XYLT1: variants seen among roughly 807,000 people sequenced by gnomAD.
The protein encoded by XYLT1 is xylosyltransferase 1.
In XYLT1, 36 loss-of-function variants were observed where a neutral mutation model predicts 91.3. The observed-to-expected ratio is 0.39, with a 90% CI of 0.30 to 0.52. The LOEUF (loss-of-function observed/expected upper bound fraction) is 0.52. XYLT1 is among the 20% of genes least tolerant of loss of function. The pLI is 0.68. For missense variants in XYLT1, 1,242 were observed against 1,284.5 expected (o/e 0.97, Z 0.51); for synonymous variants, 588 against 532.0 (o/e 1.11, Z -1.45).
intron 2 of XYLT1, among the ~76,000 whole-genome samples, chr16:17,293,442 T>C (rs1360189242): frequency 6.6e-6 from 1 of 150,512 alleles, no homozygotes; most frequent in African/African-American, 2.4e-5. Flanking sequence ...ATGTATTTAC[T>C]CCCAAACCAG....
intron 5 of XYLT1, among the ~76,000 whole-genome samples, chr16:17,196,970 C>T (rs2032437855): frequency 6.8e-6 from 1 of 147,902 alleles, no homozygotes; most frequent in Non-Finnish European, 1.5e-5. Flanking sequence ...AAGATCACAC[C>T]ACTGCACTCC....
At chr16:17,204,669 T>C (rs772913204) in intron 3 of XYLT1, among the ~76,000 whole-genome samples, 2 of 152,176 alleles carry the variant, frequency 1.3e-5, no homozygotes, top group African/African-American at 2.4e-5. Context: ...AAAACTGCTA[T>C]GAAAACAGAG....
At chr16:17,278,581 G>A (rs928270283) in intron 2 of XYLT1, among the ~76,000 whole-genome samples, 5 of 152,130 alleles carry the variant, frequency 3.3e-5, no homozygotes, top group African/African-American at 9.7e-5. Flanking sequence ...GGGAAAAGTG[G>A]AGCTTCATGG....
chr16:17,332,494 G>A (rs1325728211), intron 2 of XYLT1, among the ~76,000 whole-genome samples: 1 of 151,830 alleles, frequency 6.6e-6, no homozygotes, highest in Non-Finnish European at 1.5e-5. Context: ...CCCGGGAAGC[G>A]GAGGTTGCAG....
At chr16:17,370,381 C>T (rs997408957) in intron 1 of XYLT1, among the ~76,000 whole-genome samples, 25 of 152,326 alleles carry the variant, frequency 1.6e-4, no homozygotes, top group African/African-American at 6.0e-4. Flanking sequence ...GTTGGGGGAC[C>T]CTCGCTCACA....
chr16:17,259,833 C>T (rs966887994), intron 2 of XYLT1, among the ~76,000 whole-genome samples: 2 of 152,008 alleles, frequency 1.3e-5, no homozygotes, highest in Non-Finnish European at 2.9e-5. Flanking sequence ...TTTGTTCCAG[C>T]GTCCCGTTTA....
intron 2 of XYLT1, chr16:17,355,462 C>T (rs752312742): frequency 4.6e-5 from 7 of 152,066 alleles, no homozygotes; most frequent in South Asian, 4.2e-4. Flanking sequence ...AAAAACACAC[C>T]GTGGAAGTTC....
intron 2 of XYLT1, among the ~76,000 whole-genome samples, chr16:17,324,810 G>T (rs2034774408): frequency 6.6e-6 from 1 of 151,946 alleles, no homozygotes; most frequent in Non-Finnish European, 1.5e-5. Flanking sequence ...AGACCGGAAA[G>T]ACATGCATCA....
intron 5 of XYLT1, among the ~76,000 whole-genome samples, chr16:17,172,831 C>T (rs942178993): frequency 6.6e-6 from 1 of 152,138 alleles, no homozygotes; most frequent in Non-Finnish European, 1.5e-5. Context: ...CTGGGTATCA[C>T]TTTGAGTTGT....
intron 1 of XYLT1, among the ~76,000 whole-genome samples, chr16:17,407,333 G>C (rs2036046521): frequency 6.6e-6 from 1 of 152,004 alleles, no homozygotes; most frequent in Non-Finnish European, 1.5e-5. Flanking sequence ...ATATATATGT[G>C]TATATATATA....
chr16:17,352,888 CT>C (rs2035241228), intron 2 of XYLT1, among the ~76,000 whole-genome samples: 1 of 152,186 alleles, frequency 6.6e-6, no homozygotes, highest in South Asian at 2.1e-4. Context: ...AGCACAAGGC[CT>C]TGTCTCCACA....
intron 5 of XYLT1, among the ~76,000 whole-genome samples, chr16:17,162,361 G>T (rs1489376170): frequency 6.7e-6 from 1 of 148,568 alleles, no homozygotes; most frequent in African/African-American, 2.5e-5. Flanking sequence ...AGTGAACACA[G>T]ATCGCTCCAC....
intron 1 of XYLT1, among the ~76,000 whole-genome samples, chr16:17,380,166 T>C (rs2035661293): frequency 6.6e-6 from 1 of 152,164 alleles, no homozygotes; most frequent in Non-Finnish European, 1.5e-5. Flanking sequence ...TGCACACCTG[T>C]AATCCCAGCT....
chr16:17,290,957 G>T (rs1442373731), intron 2 of XYLT1, among the ~76,000 whole-genome samples: 2 of 152,038 alleles, frequency 1.3e-5, no homozygotes, highest in Non-Finnish European at 2.9e-5. Flanking sequence ...ATTTATTTTT[G>T]AGACACGGTC....
At chr16:17,453,847 T>C (rs2036700092) in intron 1 of XYLT1, among the ~76,000 whole-genome samples, 1 of 152,140 alleles carries the variant, frequency 6.6e-6, no homozygotes, top group Admixed American at 6.5e-5. Flanking sequence ...ATAAGAGCGC[T>C]GTGGACAATA....
chr16:17,207,926 G>C (rs2032685585), intron 3 of XYLT1, among the ~76,000 whole-genome samples: 1 of 151,982 alleles, frequency 6.6e-6, no homozygotes, highest in Non-Finnish European at 1.5e-5. Context: ...CCCTTCCTTG[G>C]GAAGCCCTCC....
At chr16:17,387,788 G>T (rs11861324) in intron 1 of XYLT1, among the ~76,000 whole-genome samples, 1 of 152,084 alleles carries the variant, frequency 6.6e-6, no homozygotes, top group Non-Finnish European at 1.5e-5. Flanking sequence ...TCCTAACCAC[G>T]TAGGCTGGAA....
At chr16:17,449,986 T>C (rs2036643898) in intron 1 of XYLT1, among the ~76,000 whole-genome samples, 1 of 152,224 alleles carries the variant, frequency 6.6e-6, no homozygotes, top group Non-Finnish European at 1.5e-5. Context: ...CCACTGGGAA[T>C]AACCTGATGG....
chr16:17,130,886 C>CG (rs761564598), intron 9 of XYLT1, among the ~76,000 whole-genome samples: 5 of 151,902 alleles, frequency 3.3e-5, no homozygotes, highest in Non-Finnish European at 5.9e-5. Flanking sequence ...TCTCTAGCCC[C>CG]CTTTTGTTTC....
Sources: gnomAD v4.1 joint callset for allele counts (sites outside exome capture counted in the v4.1 genomes callset) on GRCh38, gnomAD v4.1.1 for gene constraint, MANE v1.5 for transcripts, NCBI Gene and HGNC (gene_info 2026-07-23, HGNC 2026-07-21) for gene names.